Variants in SGTA observed in about 807,000 individuals in gnomAD.
The protein encoded by SGTA is small glutamine rich tetratricopeptide repeat co-chaperone alpha, also known as small glutamine-rich tetratricopeptide repeat-containing protein alpha.
SGTA carries 22 observed loss-of-function variants against 44.3 expected under a neutral mutation model. The ratio of observed to expected loss-of-function variants is 0.50; its 90% confidence interval spans 0.36 to 0.71. The LOEUF (loss-of-function observed/expected upper bound fraction) is 0.71, where lower values mean the gene tolerates loss of function less well. SGTA is among the 30% of genes least tolerant of loss of function. SGTA has a pLI of 0.00. For missense variants in SGTA, 341 were observed against 435.9 expected (o/e 0.78, Z 1.94); for synonymous variants, 174 against 177.6 (o/e 0.98, Z 0.16).
chr19:2,782,995 C>G (rs1385556747), intron 1 of SGTA, among the ~76,000 whole-genome samples: 2 of 152,264 alleles, frequency 1.3e-5, no homozygotes, highest in Admixed American at 1.3e-4. Flanking sequence ...TCCTCGCCAC[C>G]AGGCCGCGGA....
chr19:2,782,192 C>G (rs970924440), intron 1 of SGTA, among the ~76,000 whole-genome samples: 11 of 152,154 alleles, frequency 7.2e-5, no homozygotes, highest in Admixed American at 6.6e-5. Flanking sequence ...ACCCTGGCCT[C>G]CACCAACTCC....
In SGTA at chr19:2,773,853, A is replaced by G. The variant is rs34234730; in HGVS notation, c.-23-4762T>C. 4.8e-3 allele frequency among the ~76,000 whole-genome samples: 312 copies of G among 65,358 alleles called. 2 individuals carry two copies. Among genetic ancestry groups the G allele is most frequent in the Non-Finnish European group, 6.2e-3 (223 of 35,974 alleles). 42.9% of individuals were successfully genotyped at this position (65,358 alleles called of 152,430 possible). A position where few individuals can be genotyped will look rare whatever the true frequency, so the allele number is the denominator to read the frequency against. ...GAGGTGGGTGACGCGGCCACACGGC[A>G]GGGACACCGAGGGCAGAGGTGGGTG... On this transcript the variant is annotated intron_variant, in intron 1 of 11. Transcript: ENST00000221566.
intron 1 of SGTA, among the ~76,000 whole-genome samples, chr19:2,771,922 GGCAGCCGCCTT>G (rs1915319855): frequency 6.6e-6 from 1 of 152,214 alleles, no homozygotes; most frequent in South Asian, 2.1e-4. Context: ...GGCTGGGCTG[GGCAGCCGCCTT>G]CCCTGGAATC....
At chr19:2,758,395 G>A (rs765206172) in intron 9 of SGTA, among the ~76,000 whole-genome samples, 4 of 152,142 alleles carry the variant, frequency 2.6e-5, no homozygotes, top group Non-Finnish European at 5.9e-5. Context: ...CGGGCATGGT[G>A]GTGGATGCCT....
chr19:2,758,528 AAGG>A (rs1023796503), intron 9 of SGTA, among the ~76,000 whole-genome samples: 3 of 151,776 alleles, frequency 2.0e-5, no homozygotes, highest in African/African-American at 7.3e-5. Context: ...AAAAAAAAAA[AAGG>A]AGAAAGAAAA....
At chr19:2,774,721 A>G (rs1370788306) in intron 1 of SGTA, among the ~76,000 whole-genome samples, 2 of 152,234 alleles carry the variant, frequency 1.3e-5, no homozygotes, top group East Asian at 1.9e-4. Flanking sequence ...GCCTCAAGCA[A>G]TCCTCCCACC....
intron 4 of SGTA, among the ~76,000 whole-genome samples, chr19:2,766,515 C>G (rs1247134466): frequency 6.6e-6 from 1 of 152,058 alleles, no homozygotes; most frequent in Non-Finnish European, 1.5e-5. Context: ...TCACTGCAAC[C>G]TCCGCCTCCC....
chr19:2,757,308 C>T (rs1252794950), intron 11 of SGTA, 29 bp downstream of exon 11: 24 of 1,592,206 alleles, frequency 1.5e-5, no homozygotes, highest in Non-Finnish European at 2.0e-5. Context: ...CTGCTGGCCA[C>T]CCCCCAGCCC....
intron 1 of SGTA, chr19:2,782,501 G>A (rs1915595450): frequency 6.6e-6 from 1 of 152,124 alleles, no homozygotes. Flanking sequence ...ATGACCCTCC[G>A]AGGCATCTGC....
chr19:2,777,422 C>T (rs1226003393), intron 1 of SGTA: 1 of 151,606 alleles, frequency 6.6e-6, no homozygotes, highest in Non-Finnish European at 1.5e-5. Context: ...TGTGGTGGCA[C>T]ACATCTATAG....
chr19:2,767,264 C>T lies in SGTA; in HGVS notation c.208-44G>A. 6.8e-7 allele frequency: 1 copy of T among 1,475,120 alleles called. No individual in the cohort carries two copies. Among genetic ancestry groups the T allele is most frequent in the Middle Eastern group, 2.2e-4 (1 of 4,484 alleles). 91.4% of individuals were successfully genotyped at this position (1,475,120 alleles called of 1,614,324 possible). A position where few individuals can be genotyped will look rare whatever the true frequency, so the allele number is the denominator to read the frequency against. On this transcript the variant is annotated intron_variant, in intron 3 of 11. Transcript: ENST00000221566. This position sits in a 1 kb window ranked among gnomAD's most constrained non-coding sequence, Gnocchi z 7.3. The stretch of plus-strand genomic sequence containing the variant: ...GCGGCCCGCTGTCCTCTCCTCCCAA[C>T]CTGGCACCCTCCGGCCTTAGCTTCC...
chr19:2,780,497 T>C (rs1915547954), intron 1 of SGTA, among the ~76,000 whole-genome samples: 1 of 152,082 alleles, frequency 6.6e-6, no homozygotes, highest in South Asian at 2.1e-4. Context: ...CTGGGGGTCA[T>C]CTGTGGGGCC....
rs773797430 is a variant in SGTA, at chr19:2,757,338, C to CA, written c.*4dup. On this transcript the variant is annotated splice_region_variant and 3_prime_UTR_variant, in exon 11 of 12. Transcript: ENST00000221566. ...CAGCCCCCGGCCCCATGCACTCACG[C>CA]AGCGTCACTCCTGCTGGTCGTCGTT... The CA allele has an allele frequency of 1.2e-6, 2 of 1,600,822 alleles. No individual in the cohort carries two copies. Among genetic ancestry groups the CA allele is most frequent in the South Asian group, 2.2e-5 (2 of 91,056 alleles).
At chr19:2,776,438 C>T (rs891724133) in intron 1 of SGTA, among the ~76,000 whole-genome samples, 1 of 152,172 alleles carries the variant, frequency 6.6e-6, no homozygotes, top group South Asian at 2.1e-4. Flanking sequence ...GTGAAATAAG[C>T]CAGAAACAAA....
intron 1 of SGTA, among the ~76,000 whole-genome samples, chr19:2,772,222 G>C (rs1005894292): frequency 6.6e-6 from 1 of 152,246 alleles, no homozygotes; most frequent in Admixed American, 6.5e-5. Flanking sequence ...GTCAGACAGG[G>C]CCTGGCCAAG....
chr19:2,783,049 C>T (rs182166577), intron 1 of SGTA, among the ~76,000 whole-genome samples, 184 bp downstream of exon 1: 1 of 152,254 alleles, frequency 6.6e-6, no homozygotes, highest in South Asian at 2.1e-4. Flanking sequence ...GAGATCAGGG[C>T]TCGAAGGGCC....
intron 1 of SGTA, among the ~76,000 whole-genome samples, chr19:2,782,273 C>T (rs985222597): frequency 1.3e-5 from 2 of 152,104 alleles, no homozygotes; most frequent in African/African-American, 4.8e-5. Flanking sequence ...AGAATTGTTC[C>T]TGGTTGAGAA....
In SGTA at chr19:2,759,176, A is replaced by G. The variant is rs541631662; in HGVS notation, c.737+81T>C. 7.9e-6 allele frequency: 10 copies of G among 1,269,044 alleles called. No individual in the cohort carries two copies. In the African/African-American group the frequency reaches 1.0e-4, roughly 13 times the overall value. 78.6% of individuals were successfully genotyped at this position (1,269,044 alleles called of 1,614,324 possible). On this transcript the variant is annotated intron_variant, in intron 9 of 11. Coordinates refer to ENST00000221566, the MANE Select transcript of SGTA (RefSeq NM_003021.4). ...TTAAGTTGCACACTTTAAAGTGGTT[A>G]GTTTTATGTTAAGTGAATTTACCCA...
intron 10 of SGTA, 117 bp downstream of exon 10, chr19:2,757,576 G>A: frequency 6.8e-7 from 1 of 1,476,808 alleles, no homozygotes; most frequent in Non-Finnish European, 9.0e-7. Flanking sequence ...CCTCGCTGGA[G>A]GACGCTGGGC....
Sources: gnomAD v4.1 joint callset for allele counts (sites outside exome capture counted in the v4.1 genomes callset) on GRCh38, gnomAD v4.1.1 for gene constraint, Gnocchi (gnomAD v3.1) non-coding constraint, MANE v1.5 for transcripts, NCBI Gene and HGNC (gene_info 2026-07-23, HGNC 2026-07-21) for gene names.